Variants in GPAM observed in about 807,000 individuals in gnomAD.
GPAM encodes the protein glycerol-3-phosphate acyltransferase, mitochondrial.
Under a neutral mutation model 105.0 loss-of-function variants are expected in GPAM, and 56 were observed. The ratio of observed to expected loss-of-function variants is 0.53; its 90% confidence interval spans 0.43 to 0.67. GPAM has a LOEUF of 0.67. GPAM is among the 30% of genes least tolerant of loss of function. The probability of loss-of-function intolerance (pLI) is 0.00; values close to 1 mark genes in which losing one functional copy is unlikely to be tolerated. For missense variants in GPAM, 855 were observed against 989.8 expected, an observed-to-expected ratio of 0.86 and a Z score of 1.83; for synonymous variants, 368 against 354.4, an observed-to-expected ratio of 1.04 and a Z score of -0.43.
rs1847036655 is a variant in GPAM, at chr10:112,157,370, A to G, written c.2000T>C (p.Ile667Thr). The G allele has an allele frequency of 1.2e-6, 2 of 1,613,804 alleles. No individual in the cohort carries two copies. Among genetic ancestry groups the G allele is most frequent in the East Asian group, 2.2e-5 (1 of 44,874 alleles). The change falls in exon 19 of 22, where the codon ATC becomes ACC. Residue 667 changes from isoleucine (I) to threonine (T), a missense_variant. Transcript: ENST00000348367. Reference protein sequence around the residue: ...TVAEHDDQEDISPSLAEQQWD... With the variant: ...TVAEHDDQEDTSPSLAEQQWD... Reference sequence around the variant, plus strand: ...CTGCTGCTCAGCAAGACTAGGACTGATATCTTCCTGGTCATCGTGCTAGGC... The same window carrying G: ...CTGCTGCTCAGCAAGACTAGGACTGGTATCTTCCTGGTCATCGTGCTAGGC...
intron 1 of GPAM, among the ~76,000 whole-genome samples, chr10:112,203,454 C>T (rs993958311): frequency 2.0e-5 from 3 of 152,196 alleles, no homozygotes; most frequent in Admixed American, 2.0e-4. Context: ...GCAATCTGCC[C>T]CTGCTCTGCC....
At chr10:112,202,903 G>A (rs1264248019) in intron 1 of GPAM, among the ~76,000 whole-genome samples, 1 of 152,202 alleles carries the variant, frequency 6.6e-6, no homozygotes, top group Non-Finnish European at 1.5e-5. Context: ...ATTCAGAGTG[G>A]TTCTTAAGAC....
chr10:112,223,448 A>G, the GPAM span, among the ~76,000 whole-genome samples: 14 of 152,316 alleles, frequency 9.2e-5, no homozygotes, highest in Non-Finnish European at 1.9e-4. Flanking sequence ...AACTAAATCA[A>G]CTTTTCCACA....
Position 112,160,027 on chromosome 10 carries a change from T to C in GPAM, c.1786A>G (p.Lys596Glu). ...IACSLYAVLN[K>E]RGLGGPTSTP... ...CTAGTGGGACCCCCCAGTCCCCTCT[T>C]GTTCAGAACTGCATAAAGGCTGCAA... is the stretch of plus-strand genomic sequence containing the variant. The change falls in exon 17 of 22, where the codon AAG becomes GAG. Residue 596 changes from lysine to glutamate, a missense_variant. Coordinates refer to ENST00000348367, the MANE Select transcript of GPAM (RefSeq NM_001244949.2). 1 of 1,614,054 alleles carries C rather than the reference T, an allele frequency of 6.2e-7. No homozygotes were observed. The highest frequency in any genetic ancestry group is 1.1e-5 in the South Asian group (1 of 91,078).
At chr10:112,186,672 G>A (rs575238462), upstream of GPAM, among the ~76,000 whole-genome samples, 56 of 151,886 alleles carry the variant, frequency 3.7e-4, 1 homozygote, top group South Asian at 5.6e-3. Context: ...TCAGCCTCCC[G>A]AGTAGCTGGG....
At chr10:112,185,106 G>A (rs1489272149), upstream of GPAM, among the ~76,000 whole-genome samples, 1 of 152,172 alleles carries the variant, frequency 6.6e-6, no homozygotes, top group Non-Finnish European at 1.5e-5. Flanking sequence ...TGCTTCAGTA[G>A]TGGGGCAAAA....
chr10:112,155,581 G>A (rs1258174304), intron 20 of GPAM: 3 of 336,124 alleles, frequency 8.9e-6, no homozygotes, highest in Non-Finnish European at 1.7e-5. Context: ...AATAAAATGT[G>A]GTAAATATTT....
intron 20 of GPAM, 143 bp from the exon 21 acceptor site, chr10:112,154,830 C>T (rs1846986412): frequency 2.8e-6 from 2 of 705,506 alleles, no homozygotes; most frequent in Non-Finnish European, 5.2e-6. Context: ...ACTTCCACCA[C>T]TGGCAACCTG....
intron 20 of GPAM, chr10:112,155,183 A>G: frequency 5.5e-6 from 1 of 183,166 alleles, no homozygotes; most frequent in South Asian, 1.2e-4. Flanking sequence ...CTCAACTATA[A>G]AATGAGGTGA....
At chr10:112,180,329 T>C in intron 4 of GPAM, 144 bp downstream of exon 4, 2 of 750,074 alleles carry the variant, frequency 2.7e-6, no homozygotes, top group Non-Finnish European at 4.6e-6. Flanking sequence ...AAAAAGTGTG[T>C]CAACATCTTT....
intron 4 of GPAM, among the ~76,000 whole-genome samples, chr10:112,178,771 T>A (rs1361369042): frequency 6.6e-6 from 1 of 152,080 alleles, no homozygotes; most frequent in Non-Finnish European, 1.5e-5. Flanking sequence ...CACAAAAGAG[T>A]TATCACCATT....
At chr10:112,184,940 G>C (rs529060681), upstream of GPAM, among the ~76,000 whole-genome samples, 4 of 152,230 alleles carry the variant, frequency 2.6e-5, no homozygotes, top group African/African-American at 9.6e-5. Flanking sequence ...ATGAAGAAAA[G>C]AGAGAGCAAT....
intron 20 of GPAM, 179 bp from the exon 21 acceptor site, chr10:112,154,866 AACCT>A: frequency 1.5e-6 from 1 of 666,804 alleles, no homozygotes; most frequent in East Asian, 2.7e-5. Context: ...CTTGCTGTTA[AACCT>A]ACTTTGCTTA....
Position 112,150,158 on chromosome 10 carries a change from G to A in GPAM, c.*3392C>T, listed in dbSNP as rs540081581. The A allele has an allele frequency of 9.4e-5, 93 of 984,956 alleles. 1 individual carries two copies. Among genetic ancestry groups the A allele is most frequent in the African/African-American group, 9.2e-4 (53 of 57,340 alleles). 61.0% of individuals were successfully genotyped at this position (984,956 alleles called of 1,614,324 possible). On this transcript the variant is annotated 3_prime_UTR_variant, in exon 22 of 22. Transcript: ENST00000348367. ...TTTGTATTAAACTAAAATGCCAGAC[G>A]GCAAGTCTCAGGTTTCTAAAATAGT...
intron 19 of GPAM, chr10:112,156,812 T>A (rs1847026476): frequency 5.1e-6 from 1 of 194,698 alleles, no homozygotes; most frequent in Admixed American, 5.5e-5. Context: ...ACTTTTTTTT[T>A]AATCTCAATT....
In GPAM at chr10:112,207,820, A is replaced by G. The variant is rs149461565; in HGVS notation, n.210+7348T>C. 2.7e-3 allele frequency among the ~76,000 whole-genome samples: 413 copies of G among 152,290 alleles called. 2 individuals carry two copies. Among genetic ancestry groups the G allele is most frequent in the Middle Eastern group, 0.017 (5 of 294 alleles). ...TCAAGAAGCACTCAACCCAAGCATG[A>G]GAGTCTCTTTTGCAGTTGCTGTCAC... On this transcript the variant is annotated intron_variant and non_coding_transcript_variant, in intron 1 of 3. Transcript: ENST00000480130.
At chr10:112,201,967 C>A (rs1847802603) in intron 1 of GPAM, among the ~76,000 whole-genome samples, 1 of 152,226 alleles carries the variant, frequency 6.6e-6, no homozygotes, top group Admixed American at 6.5e-5. Context: ...ACTTGCACAA[C>A]AGCCCTCCAA....
At chr10:112,216,094 G>C (rs1366892496), upstream of GPAM, among the ~76,000 whole-genome samples, 2 of 152,112 alleles carry the variant, frequency 1.3e-5, no homozygotes, top group African/African-American at 2.4e-5. Flanking sequence ...CTTAGTTGTT[G>C]CAAAGACTAC....
chr10:112,172,849 G>C (rs888512792), intron 8 of GPAM, 121 bp downstream of exon 8: 14 of 721,370 alleles, frequency 1.9e-5, no homozygotes, highest in Non-Finnish European at 3.3e-5. Context: ...TCATAAATGA[G>C]GGAAATCTTC....
Sources: allele counts gnomAD v4.1 joint callset (sites outside exome capture counted in the v4.1 genomes callset), GRCh38; gene constraint gnomAD v4.1.1; transcripts MANE v1.5; gene names NCBI Gene and HGNC (gene_info 2026-07-23, HGNC 2026-07-21).